Variants in CRTAC1 observed in about 807,000 individuals in gnomAD.
The protein encoded by CRTAC1 is cartilage acidic protein 1.
A neutral mutation model predicts 67.8 loss-of-function variants in CRTAC1; 37 were observed. The ratio of observed to expected loss-of-function variants is 0.55; its 90% CI spans 0.42 to 0.72. The LOEUF (loss-of-function observed/expected upper bound fraction) is 0.72. Ranked by LOEUF, CRTAC1 falls within the 30% of genes least tolerant of loss-of-function variation. The pLI is 0.00. For missense variants in CRTAC1, 780 were observed against 931.6 expected (o/e 0.84, Z 2.12); for synonymous variants, 348 against 371.0 (o/e 0.94, Z 0.71).
intron 4 of CRTAC1, among the ~76,000 whole-genome samples, chr10:97,918,647 C>T (rs1470074762): frequency 6.6e-6 from 1 of 152,224 alleles, no homozygotes; most frequent in Non-Finnish European, 1.5e-5. Flanking sequence ...CTAAAAGGTC[C>T]TAAGAGAAAC....
chr10:98,012,801 T>C (rs1411380158), intron 1 of CRTAC1, among the ~76,000 whole-genome samples: 1 of 152,130 alleles, frequency 6.6e-6, no homozygotes, highest in Non-Finnish European at 1.5e-5. Flanking sequence ...GGGCAGAAAC[T>C]GGGAAGGAGG....
chr10:97,904,554 G>C (rs2050583311), intron 7 of CRTAC1, 115 bp downstream of exon 7: 1 of 969,796 alleles, frequency 1.0e-6, no homozygotes, highest in African/African-American at 1.7e-5. Flanking sequence ...GGAGTAGCTG[G>C]GATTATAGGC....
chr10:98,019,847 C>T (rs1051574513), intron 1 of CRTAC1, among the ~76,000 whole-genome samples: 9 of 152,332 alleles, frequency 5.9e-5, no homozygotes, highest in Non-Finnish European at 1.2e-4. Context: ...TTTCCCTCTC[C>T]ACCTGCCTGA....
chr10:97,936,242 C>A lies in CRTAC1; in HGVS notation c.349G>T (p.Val117Phe), dbSNP rs781299401. ...LRDRQGNAIG[V>F]TACDIDGDGR... is the part of the protein sequence containing the mutation. ...TCCCCGTCGATGTCGCAGGCTGTGA[C>A]CCCGATGGCGTTCCCCTGCCGGTCC... Residue 117 changes from valine (V) to phenylalanine (F), a missense_variant, in exon 3 of 15, where the codon GTC (valine) becomes TTC (phenylalanine). Val to Phe is a conservative substitution (Grantham distance 50, BLOSUM62 -1). Coordinates refer to ENST00000370597, the MANE Select transcript of CRTAC1 (RefSeq NM_018058.7). 1 of 1,614,176 alleles carries A rather than the reference C, an allele frequency of 6.2e-7. No individual in the cohort carries two copies. The highest frequency in any genetic ancestry group is 2.2e-5 in the East Asian group (1 of 44,884).
chr10:97,870,026 C>T (rs1015763145), intron 14 of CRTAC1: 1 of 152,168 alleles, frequency 6.6e-6, no homozygotes, highest in African/African-American at 2.4e-5. Flanking sequence ...GCCTCAGATT[C>T]CCCAGTTGTT....
chr10:98,011,278 G>C lies in CRTAC1; in HGVS notation c.84C>G (p.Ser28=). 6.2e-7 allele frequency: 1 copy of C among 1,614,158 alleles called. No homozygotes were observed. The highest frequency in any genetic ancestry group is 2.2e-5 in the East Asian group (1 of 44,882). Residue 28 remains serine, a synonymous_variant, in exon 2 of 15, where the codon TCC becomes TCG. Coordinates refer to ENST00000370597, the MANE Select transcript of CRTAC1 (RefSeq NM_018058.7). ...LLWFLPITEG[S]QRAEPMFTAV... ...CAGTGAACATGGGTTCAGCCCGCTG[G>C]GACCCCTCAGTGATGGGCAGAAACC...
chr10:97,919,172 G>A (rs2136590713), intron 4 of CRTAC1, among the ~76,000 whole-genome samples: 1 of 152,276 alleles, frequency 6.6e-6, no homozygotes, highest in Non-Finnish European at 1.5e-5. Context: ...GTGAGGCCAA[G>A]GAGGGAGCTT....
At chr10:97,949,199 C>T (rs1456485556) in intron 2 of CRTAC1, among the ~76,000 whole-genome samples, 1 of 152,214 alleles carries the variant, frequency 6.6e-6, no homozygotes, top group African/African-American at 2.4e-5. Flanking sequence ...GAGACTTACA[C>T]ATGACCACTT....
intron 3 of CRTAC1, among the ~76,000 whole-genome samples, chr10:97,924,525 T>C (rs2050886039): frequency 6.6e-6 from 1 of 152,150 alleles, no homozygotes; most frequent in African/African-American, 2.4e-5. Flanking sequence ...GTGATGGAAA[T>C]GATCTGGAGC....
Position 98,030,418 on chromosome 10 carries a change from T to G in CRTAC1, c.24+31A>C. 8.1e-7 allele frequency: 1 copy of G among 1,238,670 alleles called. No homozygotes were observed. The highest frequency in any genetic ancestry group is 1.0e-6 in the Non-Finnish European group (1 of 979,152). 76.7% of individuals were successfully genotyped at this position (1,238,670 alleles called of 1,614,324 possible). On this transcript the variant is annotated intron_variant, in intron 1 of 14. Coordinates refer to ENST00000370597, the MANE Select transcript of CRTAC1 (RefSeq NM_018058.7). The surrounding 1 kb of genome is among the most constrained non-coding windows in gnomAD (Gnocchi z 4.2). The stretch of plus-strand genomic sequence containing the variant: ...AGAGCTGGAGAAACTTTCTCCGCCT[T>G]AGGGTGGGGGGCACCGGTGCAGATA...
chr10:97,877,432 A>G (rs1041950841), intron 14 of CRTAC1, among the ~76,000 whole-genome samples: 1 of 146,878 alleles, frequency 6.8e-6, no homozygotes. Context: ...CCTAGAGCCT[A>G]GCTCAGTACT....
intron 1 of CRTAC1, among the ~76,000 whole-genome samples, chr10:98,018,953 C>T (rs954370866): frequency 6.6e-6 from 1 of 152,158 alleles, no homozygotes; most frequent in African/African-American, 2.4e-5. Flanking sequence ...CTTGCAGACC[C>T]TCGATAACCC....
chr10:98,008,202 G>A (rs762333707), intron 2 of CRTAC1, among the ~76,000 whole-genome samples: 57 of 152,266 alleles, frequency 3.7e-4, no homozygotes, highest in Non-Finnish European at 7.9e-4. Flanking sequence ...TCTGTTCTTC[G>A]CAGCTGAAAG....
intron 11 of CRTAC1, among the ~76,000 whole-genome samples, chr10:97,892,203 T>C (rs537935208): frequency 2.0e-5 from 3 of 152,320 alleles, no homozygotes; most frequent in Non-Finnish European, 4.4e-5. Context: ...TCTATTCTCC[T>C]GGCAGGGCAG....
At chr10:97,908,332 G>T (rs1293829122) in intron 5 of CRTAC1, among the ~76,000 whole-genome samples, 185 bp from the exon 6 acceptor site, 1 of 152,128 alleles carries the variant, frequency 6.6e-6, no homozygotes, top group Non-Finnish European at 1.5e-5. Context: ...GAATCTGTGT[G>T]GAAGGTAACA....
rs2050448447 is a variant in CRTAC1, at chr10:97,895,766, G to A, written c.1317+119C>T. 5.1e-6 allele frequency: 4 copies of A among 788,108 alleles called. No homozygotes were observed. Among genetic ancestry groups the A allele is most frequent in the South Asian group, 1.8e-5 (1 of 55,250 alleles). 48.8% of individuals were successfully genotyped at this position (788,108 alleles called of 1,614,324 possible). A position where few individuals can be genotyped will look rare whatever the true frequency, so the allele number is the denominator to read the frequency against. ...AATTTACTTCCCTCCTCCAGGGCCC[G>A]GGACTTCCATTACCCACCATGCTGG... is the stretch of plus-strand genomic sequence containing the variant. On this transcript the variant is annotated intron_variant, in intron 10 of 14. Coordinates refer to ENST00000370597, the MANE Select transcript of CRTAC1 (RefSeq NM_018058.7). The surrounding 1 kb of genome is among the most constrained non-coding windows in gnomAD (Gnocchi z 4.2).
At chr10:97,933,120 A>G (rs1412626403) in intron 3 of CRTAC1, among the ~76,000 whole-genome samples, 1 of 152,256 alleles carries the variant, frequency 6.6e-6, no homozygotes, top group East Asian at 1.9e-4. Context: ...AAGGGTGGCA[A>G]TGGCCAAGTG....
chr10:97,976,687 C>T (rs184076377), intron 2 of CRTAC1, among the ~76,000 whole-genome samples: 2,186 of 152,348 alleles, frequency 0.014, 24 homozygotes, highest in Non-Finnish European at 0.023. Flanking sequence ...TTCCAGACTT[C>T]TTCAGTTAGA....
intron 4 of CRTAC1, among the ~76,000 whole-genome samples, chr10:97,917,950 G>C (rs776626169): frequency 5.9e-5 from 9 of 152,072 alleles, no homozygotes; most frequent in Admixed American, 3.3e-4. Flanking sequence ...CCTTTTTATA[G>C]ACAATTTTCT....
Sources: allele counts gnomAD v4.1 joint callset (sites outside exome capture counted in the v4.1 genomes callset), GRCh38; gene constraint gnomAD v4.1.1; non-coding constraint Gnocchi (gnomAD v3.1); transcripts MANE v1.5; gene names NCBI Gene and HGNC (gene_info 2026-07-23, HGNC 2026-07-21).